The following SCAI variants were observed in gnomAD, a reference collection of about 807,000 sequenced individuals.
SCAI encodes protein SCAI.
SCAI carries 24 observed loss-of-function variants against 92.2 expected under a neutral mutation model. The observed-to-expected ratio is 0.26, with a 90% CI of 0.19 to 0.37. The LOEUF (loss-of-function observed/expected upper bound fraction) is 0.37, where lower values mean the gene tolerates loss of function less well. SCAI is among the 10% of genes least tolerant of loss of function. The probability of loss-of-function intolerance (pLI) is 1.00; values close to 1 mark genes in which losing one functional copy is unlikely to be tolerated. For missense variants in SCAI, 450 were observed against 736.2 expected (o/e 0.61, Z 4.50); for synonymous variants, 261 against 258.6 (o/e 1.01, Z -0.09).
At chr9:125,067,172 G>A (rs977754948) in intron 2 of SCAI, among the ~76,000 whole-genome samples, 3 of 152,174 alleles carry the variant, frequency 2.0e-5, no homozygotes, top group African/African-American at 7.2e-5. Flanking sequence ...AAGAATAGAA[G>A]TAGAGACAAA....
At position 124,947,679 on chromosome 9, in the gene SCAI, T is replaced by A. The variant is rs1831169056; in HGVS notation, c.*5128A>T. 6.6e-6 allele frequency: 1 copy of A among 152,228 alleles called. No homozygotes were observed. Among genetic ancestry groups the A allele is most frequent in the South Asian group, 2.1e-4 (1 of 4,830 alleles). 9.4% of individuals were successfully genotyped at this position (152,228 alleles called of 1,614,324 possible). ...AAAAAGTATACACAGAGATTGCATGTAGCATCACAAAAATATACATATGCC... is the reference window on the plus strand; with the variant it reads ...AAAAAGTATACACAGAGATTGCATGAAGCATCACAAAAATATACATATGCC... On this transcript the variant is annotated 3_prime_UTR_variant, in exon 18 of 18. Coordinates refer to ENST00000336505, the MANE Select transcript of SCAI (RefSeq NM_001144877.3).
chr9:125,003,442 AC>A, intron 10 of SCAI, 26 bp downstream of exon 10: 1 of 1,484,748 alleles, frequency 6.7e-7, no homozygotes, highest in South Asian at 1.1e-5. Flanking sequence ...GGGTTACCAA[AC>A]TTGCAAATGT....
chr9:124,998,631 C>G (rs566369500), intron 13 of SCAI, among the ~76,000 whole-genome samples: 1 of 152,046 alleles, frequency 6.6e-6, no homozygotes, highest in Non-Finnish European at 1.5e-5. Context: ...TTTTTATTTT[C>G]TCTTTTTTGT....
intron 3 of SCAI, among the ~76,000 whole-genome samples, chr9:125,044,461 C>T (rs952537699): frequency 6.6e-6 from 1 of 151,962 alleles, no homozygotes; most frequent in African/African-American, 2.4e-5. Context: ...GCAACTACTA[C>T]AGGTCTCCTC....
intron 2 of SCAI, among the ~76,000 whole-genome samples, chr9:125,063,405 G>T (rs1278293792): frequency 6.7e-6 from 1 of 149,966 alleles, no homozygotes; most frequent in Non-Finnish European, 1.5e-5. Flanking sequence ...AAAAAAGAAT[G>T]AATATAGAAA....
chr9:125,028,381 A>G lies in SCAI; in HGVS notation c.413+11T>C. On this transcript the variant is annotated intron_variant, in intron 5 of 17. Transcript: ENST00000336505. ...ACAACACTTTACTCTTTCCATGTGT[A>G]ATTTACTTACTAATAATGATAGTAT... 6.9e-7 allele frequency: 1 copy of G among 1,458,542 alleles called. No individual in the cohort carries two copies. Among genetic ancestry groups the G allele is most frequent in the Non-Finnish European group, 9.6e-7 (1 of 1,045,378 alleles). The allele number at this position is 1,458,542 out of a possible 1,614,324, so 90.4% of individuals were successfully genotyped here. A position where few individuals can be genotyped will look rare whatever the true frequency, so the allele number is the denominator to read the frequency against.
intron 2 of SCAI, among the ~76,000 whole-genome samples, chr9:125,113,146 G>A (rs767843719): frequency 7.9e-5 from 12 of 152,290 alleles, no homozygotes; most frequent in South Asian, 2.1e-4. Context: ...TATGAAAAGC[G>A]TGAATAAAGT....
At chr9:125,113,489 A>G (rs1383146433) in intron 2 of SCAI, among the ~76,000 whole-genome samples, 1 of 152,186 alleles carries the variant, frequency 6.6e-6, no homozygotes, top group East Asian at 1.9e-4. Context: ...CCTGGGTGCA[A>G]CAGAAAAAGG....
Position 125,107,432 on chromosome 9 carries a change from A to G in SCAI, c.98+35201T>C, listed in dbSNP as rs573984080. On this transcript the variant is annotated intron_variant, in intron 2 of 17. Transcript: ENST00000336505. ...CAAAAAAAAAAAAAAAGAAAAAGAA[A>G]AGAAAAAGAAATACAACCATATAAA... Among the ~76,000 whole-genome samples, 6 of 152,030 alleles carry G rather than the reference A, an allele frequency of 3.9e-5. No individual in the cohort carries two copies. In the South Asian group the frequency reaches 1.2e-3, roughly 32 times the overall value.
rs537030499 is a variant in SCAI, at chr9:124,999,318, C to G, written c.1244+573G>C. Among the ~76,000 whole-genome samples the G allele has an allele frequency of 2.2e-3, 336 of 150,818 alleles. 1 individual carries two copies. The highest frequency in any genetic ancestry group is 4.3e-3 in the Non-Finnish European group (292 of 67,812). On this transcript the variant is annotated intron_variant, in intron 13 of 17. Coordinates refer to ENST00000336505, the MANE Select transcript of SCAI (RefSeq NM_001144877.3). ...AGGAGAATCGCTTGAACCCAGGAGG[C>G]AGAGGTTGCAGTGAGCCGAGATCAT...
At chr9:124,953,017 A>G in intron 17 of SCAI, 64 bp from the exon 18 acceptor site, 10 of 1,315,774 alleles carry the variant, frequency 7.6e-6, no homozygotes, top group East Asian at 2.3e-5. Context: ...ATACACATTG[A>G]TAACAGTGTC....
At chr9:125,098,063 A>G (rs1834600260) in intron 2 of SCAI, among the ~76,000 whole-genome samples, 1 of 151,270 alleles carries the variant, frequency 6.6e-6, no homozygotes, top group Admixed American at 6.6e-5. Context: ...ATATACACAT[A>G]TATATATATG....
intron 2 of SCAI, among the ~76,000 whole-genome samples, chr9:125,096,571 C>T (rs559452687): frequency 1.9e-4 from 29 of 152,346 alleles, no homozygotes; most frequent in African/African-American, 7.0e-4. Flanking sequence ...TTGAGGCTTT[C>T]TTGGTATCAC....
intron 2 of SCAI, among the ~76,000 whole-genome samples, chr9:125,074,770 C>T (rs1025272013): frequency 1.3e-5 from 2 of 151,360 alleles, no homozygotes; most frequent in Non-Finnish European, 2.9e-5. Context: ...TTTGGGAGGC[C>T]GAGGTGGGCA....
intron 3 of SCAI, among the ~76,000 whole-genome samples, chr9:125,050,030 G>A (rs912089223): frequency 2.7e-4 from 40 of 150,668 alleles, no homozygotes; most frequent in African/African-American, 9.5e-4. Context: ...TACATGAATT[G>A]AAGAAAGCAA....
At chr9:125,108,391 G>A (rs1834855581) in intron 2 of SCAI, among the ~76,000 whole-genome samples, 1 of 151,380 alleles carries the variant, frequency 6.6e-6, no homozygotes, top group African/African-American at 2.4e-5. Context: ...AGTGAGGAGT[G>A]CCTCTTCCCA....
chr9:125,012,578 T>C (rs1832661848), intron 9 of SCAI, among the ~76,000 whole-genome samples: 1 of 152,274 alleles, frequency 6.6e-6, no homozygotes, highest in South Asian at 2.1e-4. Flanking sequence ...ACAATAATAA[T>C]GGGTGACTTT....
intron 9 of SCAI, among the ~76,000 whole-genome samples, chr9:125,010,206 C>T (rs370390529): frequency 1.3e-4 from 20 of 152,300 alleles, no homozygotes; most frequent in East Asian, 9.7e-4. Context: ...GCGCACCGTG[C>T]GCGAGCCGAA....
In SCAI at chr9:124,971,352, AT is replaced by A. The variant is rs375732007; in HGVS notation, c.1674+17del. On this transcript the variant is annotated intron_variant, in intron 17 of 17. Coordinates refer to ENST00000336505, the MANE Select transcript of SCAI (RefSeq NM_001144877.3). The stretch of plus-strand genomic sequence containing the variant: ...CCTAAAATGATAAAATTCGTCTTTA[AT>A]AATGTTCTTTGCCTACCCGAAAAAT... The A allele has an allele frequency of 1.9e-3, 2,797 of 1,489,414 alleles. 52 individuals carry two copies. The African/African-American group carries it at 0.035, about 19-fold the overall frequency. The allele number at this position is 1,489,414 out of a possible 1,614,324, so 92.3% of individuals were successfully genotyped here.
Sources: gnomAD v4.1 joint callset for allele counts (sites outside exome capture counted in the v4.1 genomes callset) on GRCh38, gnomAD v4.1.1 for gene constraint, MANE v1.5 for transcripts, NCBI Gene and HGNC (gene_info 2026-07-23, HGNC 2026-07-21) for gene names.